Variants in ERG observed in about 807,000 individuals in gnomAD.
The protein encoded by ERG is transcriptional regulator ERG.
In ERG, 9 loss-of-function variants were observed where a neutral mutation model predicts 55.3. The observed-to-expected ratio is 0.16, with a 90% CI of 0.10 to 0.28. ERG has a LOEUF of 0.28. Among genes scored for constraint, ERG ranks in the 10% least tolerant of loss-of-function variants. The probability of loss-of-function intolerance (pLI) is 1.00; values close to 1 mark genes in which losing one functional copy is unlikely to be tolerated. For missense variants in ERG, 434 were observed against 631.6 expected, an observed-to-expected ratio of 0.69 and a Z score of 3.35; for synonymous variants, 223 against 237.3, an observed-to-expected ratio of 0.94 and a Z score of 0.55.
rs887693007 is a variant in ERG, at chr21:38,452,356, C to G, written c.19-6735G>C. Among the ~76,000 whole-genome samples the G allele has an allele frequency of 2.6e-5, 4 of 152,098 alleles. No individual in the cohort carries two copies. The South Asian group carries it at 8.3e-4, about 32-fold the overall frequency. On this transcript the variant is annotated intron_variant, in intron 1 of 9. Transcript: ENST00000288319. ...ATATATACATACACACACATATATA[C>G]AGATACGCACATGCATATACACAAA...
At chr21:38,661,168 T>A (rs1601367382) in intron 1 of ERG, among the ~76,000 whole-genome samples, 1 of 120,364 alleles carries the variant, frequency 8.3e-6, no homozygotes, top group Non-Finnish European at 1.7e-5. Flanking sequence ...GGAGAGGGGG[T>A]CAGGGGAGGG....
intron 6 of ERG, among the ~76,000 whole-genome samples, chr21:38,394,696 A>G (rs1988128884): frequency 1.3e-5 from 2 of 152,166 alleles, no homozygotes; most frequent in African/African-American, 4.8e-5. Flanking sequence ...TCTGGTGCAC[A>G]CTGAAGTCTG....
chr21:38,505,292 A>G (rs1243735632), intron 2 of ERG, among the ~76,000 whole-genome samples: 1 of 152,196 alleles, frequency 6.6e-6, no homozygotes, highest in East Asian at 1.9e-4. Flanking sequence ...AGTAACTGCT[A>G]CATGGTACGC....
intron 1 of ERG, among the ~76,000 whole-genome samples, chr21:38,604,799 C>A (rs1283012807): frequency 6.6e-6 from 1 of 152,222 alleles, no homozygotes; most frequent in Non-Finnish European, 1.5e-5. Flanking sequence ...ATAATGTCAG[C>A]TTGAATAGAA....
intron 1 of ERG, among the ~76,000 whole-genome samples, chr21:38,478,011 T>C (rs897495801): frequency 3.3e-5 from 5 of 152,246 alleles, no homozygotes; most frequent in East Asian, 1.9e-4. Context: ...ATCTCTCCCT[T>C]GAACCCAGTT....
intron 1 of ERG, among the ~76,000 whole-genome samples, chr21:38,479,112 T>C (rs2059214653): frequency 6.6e-6 from 1 of 152,256 alleles, no homozygotes; most frequent in African/African-American, 2.4e-5. Flanking sequence ...ATTTTGACTA[T>C]TATGCTGGAT....
At chr21:38,579,487 A>G (rs1208676891) in intron 1 of ERG, among the ~76,000 whole-genome samples, 1 of 152,134 alleles carries the variant, frequency 6.6e-6, no homozygotes, top group African/African-American at 2.4e-5. Flanking sequence ...GGATATACCT[A>G]GAGGAAAGAG....
rs139180532 is a variant in ERG at position 38,444,172 on chromosome 21, G to A, written c.236+1232C>T. ...GACACTTATAATAAACCTTTTTAGC[G>A]TTAAAACATATATGTAACAAAAAGG... On this transcript the variant is annotated intron_variant, in intron 2 of 9. Coordinates refer to ENST00000288319, the MANE Select transcript of ERG (RefSeq NM_182918.4). Among the ~76,000 whole-genome samples the A allele has an allele frequency of 2.0e-3, 300 of 152,242 alleles. 2 individuals carry two copies. The highest frequency in any genetic ancestry group is 6.8e-3 in the African/African-American group (281 of 41,536).
chr21:38,498,290 C>T lies in ERG; in HGVS notation c.18+73G>A. 1 of 1,379,474 alleles carries T rather than the reference C, an allele frequency of 7.2e-7. No homozygotes were observed. Among genetic ancestry groups the T allele is most frequent in the Non-Finnish European group, 1.0e-6 (1 of 972,688 alleles). 85.5% of individuals were successfully genotyped at this position (1,379,474 alleles called of 1,614,324 possible). On this transcript the variant is annotated intron_variant, in intron 1 of 9. Coordinates refer to ENST00000288319, the MANE Select transcript of ERG (RefSeq NM_182918.4). This position sits in a 1 kb window ranked among gnomAD's most constrained non-coding sequence, Gnocchi z 4.6. ...TGTTGCCCAACCCTAACTTATCTGC[C>T]TTGATAAAGGAAACCAAAGAAAAGA...
chr21:38,394,664 T>C (rs1300586775), intron 6 of ERG, among the ~76,000 whole-genome samples: 1 of 152,196 alleles, frequency 6.6e-6, no homozygotes, highest in East Asian at 1.9e-4. Flanking sequence ...AGAATCAGCA[T>C]TTTAACAAGA....
chr21:38,423,355 C>T, intron 3 of ERG, 55 bp downstream of exon 3: 1 of 1,565,076 alleles, frequency 6.4e-7, no homozygotes, highest in African/African-American at 1.3e-5. Context: ...GAGGCTCAGC[C>T]TAGCCTTGGG....
chr21:38,607,216 T>C (rs952924480), intron 1 of ERG, among the ~76,000 whole-genome samples: 3 of 152,090 alleles, frequency 2.0e-5, no homozygotes, highest in Non-Finnish European at 4.4e-5. Flanking sequence ...TGAGTATAAA[T>C]TGAAGAAATG....
At chr21:38,490,961 T>C (rs1164618977) in intron 1 of ERG, among the ~76,000 whole-genome samples, 1 of 152,214 alleles carries the variant, frequency 6.6e-6, no homozygotes, top group Non-Finnish European at 1.5e-5. Context: ...CTGTGCTCTC[T>C]GGATTCAACC....
At chr21:38,413,264 G>A (rs2040234) in intron 3 of ERG, among the ~76,000 whole-genome samples, 135,095 of 152,188 alleles carry the variant, frequency 0.89, 60,517 homozygotes, top group East Asian at 0.99. Context: ...TTAAAAGGAT[G>A]TTAAACTCCA....
intron 1 of ERG, among the ~76,000 whole-genome samples, chr21:38,592,348 G>A (rs2060105517): frequency 6.6e-6 from 1 of 151,896 alleles, no homozygotes; most frequent in Admixed American, 6.5e-5. Flanking sequence ...TGGAACTGTT[G>A]ATAAGAAAAG....
chr21:38,604,589 A>T (rs1230644646), intron 1 of ERG, among the ~76,000 whole-genome samples: 1 of 152,258 alleles, frequency 6.6e-6, no homozygotes, highest in Non-Finnish European at 1.5e-5. Context: ...ATTACCTACC[A>T]AAGCATAAAC....
intron 6 of ERG, among the ~76,000 whole-genome samples, chr21:38,399,821 T>C (rs1988403348): frequency 6.6e-6 from 1 of 152,194 alleles, no homozygotes; most frequent in Non-Finnish European, 1.5e-5. Flanking sequence ...AACATTTATG[T>C]GTACATATGT....
intron 2 of ERG, among the ~76,000 whole-genome samples, chr21:38,573,758 C>G (rs1226173585): frequency 2.0e-5 from 3 of 152,168 alleles, no homozygotes; most frequent in Non-Finnish European, 4.4e-5. Context: ...GTATGCTGAG[C>G]GCCGGTCCCC....
chr21:38,418,924 T>C (rs1270466472), intron 3 of ERG, among the ~76,000 whole-genome samples: 1 of 58,044 alleles, frequency 1.7e-5, no homozygotes, highest in Admixed American at 1.9e-4. Flanking sequence ...CGAGACTTTG[T>C]CTCAAAAAAA....
Sources: gnomAD v4.1 joint callset for allele counts (sites outside exome capture counted in the v4.1 genomes callset) on GRCh38, gnomAD v4.1.1 for gene constraint, Gnocchi (gnomAD v3.1) non-coding constraint, MANE v1.5 for transcripts, NCBI Gene and HGNC (gene_info 2026-07-23, HGNC 2026-07-21) for gene names.